The following YIPF4 variants were observed in gnomAD, a reference collection of about 807,000 sequenced individuals.
The protein encoded by YIPF4 is Yip1 domain family member 4.
Under a neutral mutation model 29.4 loss-of-function variants are expected in YIPF4, and 18 were observed. The observed-to-expected ratio is 0.61, with a 90% CI of 0.42 to 0.91. The LOEUF (loss-of-function observed/expected upper bound fraction) is 0.91. Among genes scored for constraint, YIPF4 ranks in the 40% least tolerant of loss-of-function variants. YIPF4 has a pLI of 0.00. For synonymous variants in YIPF4, 115 were observed against 104.7 expected (o/e 1.10, Z -0.60); for missense variants, 279 against 282.7 (o/e 0.99, Z 0.09).
intron 1 of YIPF4, among the ~76,000 whole-genome samples, chr2:32,280,975 C>T (rs2030381934): frequency 6.6e-6 from 1 of 152,074 alleles, no homozygotes; most frequent in South Asian, 2.1e-4. Flanking sequence ...TTTTCATTCT[C>T]CCTTCCCTGA....
chr2:32,296,026 A>G (rs2031165358), intron 3 of YIPF4, among the ~76,000 whole-genome samples: 1 of 152,210 alleles, frequency 6.6e-6, no homozygotes, highest in African/African-American at 2.4e-5. Flanking sequence ...TATTTACACT[A>G]GATTAGTAGT....
intron 2 of YIPF4, among the ~76,000 whole-genome samples, chr2:32,291,135 AAAG>A: frequency 6.6e-6 from 1 of 152,260 alleles, no homozygotes; most frequent in Non-Finnish European, 1.5e-5. Context: ...ATAATTTTGA[AAAG>A]AAGAACCTAT....
chr2:32,302,715 T>G (rs2031448135), intron 5 of YIPF4, among the ~76,000 whole-genome samples: 1 of 152,246 alleles, frequency 6.6e-6, no homozygotes, highest in Admixed American at 6.5e-5. Flanking sequence ...AATATAAGTT[T>G]GTTCTTTATG....
intron 1 of YIPF4, 151 bp downstream of exon 1, chr2:32,278,385 G>C (rs762301752): frequency 1.1e-4 from 76 of 708,626 alleles, no homozygotes; most frequent in Non-Finnish European, 1.6e-4. Context: ...CGGGCCTTCC[G>C]AGAGGCCCCG....
intron 2 of YIPF4, 91 bp from the exon 3 acceptor site, chr2:32,292,084 CTG>C: frequency 1.2e-6 from 1 of 806,532 alleles, no homozygotes; most frequent in Non-Finnish European, 1.8e-6. Context: ...GAGATTATAA[CTG>C]TCTTATTTAA....
At position 32,306,262 on chromosome 2, in the gene YIPF4, A is replaced by G. The variant is rs762430984; in HGVS notation, c.*636A>G. 6.0e-5 allele frequency: 58 copies of G among 967,726 alleles called. No homozygotes were observed. In the East Asian group the frequency reaches 8.0e-4, roughly 13 times the overall value. 59.9% of individuals were successfully genotyped at this position (967,726 alleles called of 1,614,324 possible). On this transcript the variant is annotated 3_prime_UTR_variant, in exon 6 of 6. Transcript: ENST00000238831. ...TTGTTAAGAATTCTTAATAACTACTAAAACTGATTTTTAATAGTTGCTGAT... is the reference window on the plus strand; with the variant it reads ...TTGTTAAGAATTCTTAATAACTACTGAAACTGATTTTTAATAGTTGCTGAT...
intron 5 of YIPF4, among the ~76,000 whole-genome samples, chr2:32,303,562 G>C (rs2031478182): frequency 1.3e-5 from 2 of 152,072 alleles, no homozygotes; most frequent in African/African-American, 4.8e-5. Context: ...GCATGCACCT[G>C]TTAGTCCTAG....
chr2:32,295,554 G>C (rs2031145890), intron 3 of YIPF4, among the ~76,000 whole-genome samples: 2 of 152,142 alleles, frequency 1.3e-5, no homozygotes, highest in Admixed American at 1.3e-4. Flanking sequence ...TATGATCTCT[G>C]TTTCCATGAT....
chr2:32,300,744 A>T (rs551283943), intron 4 of YIPF4, among the ~76,000 whole-genome samples: 5 of 152,292 alleles, frequency 3.3e-5, no homozygotes, highest in African/African-American at 1.2e-4. Context: ...TTAGGGGCCT[A>T]CATTTTAATT....
At chr2:32,286,627 C>T (rs1003670427) in intron 1 of YIPF4, among the ~76,000 whole-genome samples, 1 of 151,846 alleles carries the variant, frequency 6.6e-6, no homozygotes, top group Non-Finnish European at 1.5e-5. Flanking sequence ...CTCAGTGCAA[C>T]CTCCACCTCC....
chr2:32,282,381 C>A (rs762887281), intron 1 of YIPF4, among the ~76,000 whole-genome samples: 1 of 152,326 alleles, frequency 6.6e-6, no homozygotes, highest in African/African-American at 2.4e-5. Context: ...GATTTGCATC[C>A]TGGCTTTATC....
chr2:32,296,843 G>A (rs1175009931), intron 3 of YIPF4, among the ~76,000 whole-genome samples: 1 of 152,104 alleles, frequency 6.6e-6, no homozygotes, highest in Admixed American at 6.5e-5. Context: ...GCATCCATTG[G>A]TAGATCTTGC....
chr2:32,311,144 TAGTA>T lies in YIPF4; in HGVS notation c.*5525_*5528del, dbSNP rs1254583922. ...CCACTGCACTCCAGCCTGGGCAACA[TAGTA>T]AGTAAGACCTTGTCTCTTAAAAAAA... On this transcript the variant is annotated 3_prime_UTR_variant, in exon 6 of 6. Transcript: ENST00000238831. 9.9e-5 allele frequency: 15 copies of T among 152,192 alleles called. No homozygotes were observed. Among genetic ancestry groups the T allele is most frequent in the South Asian group, 2.1e-4 (1 of 4,826 alleles). The allele number at this position is 152,192 out of a possible 1,614,324, so 9.4% of individuals were successfully genotyped here. A position where few individuals can be genotyped will look rare whatever the true frequency, so the allele number is the denominator to read the frequency against.
rs1288407251 is a variant in YIPF4 at position 32,310,682 on chromosome 2, C to G, written c.*5056C>G. 1.3e-5 allele frequency: 2 copies of G among 152,056 alleles called. No individual in the cohort carries two copies. Among genetic ancestry groups the G allele is most frequent in the Non-Finnish European group, 2.9e-5 (2 of 68,038 alleles). The allele number at this position is 152,056 out of a possible 1,614,324, so 9.4% of individuals were successfully genotyped here. A position where few individuals can be genotyped will look rare whatever the true frequency, so the allele number is the denominator to read the frequency against. On this transcript the variant is annotated 3_prime_UTR_variant, in exon 6 of 6. Coordinates refer to ENST00000238831, the MANE Select transcript of YIPF4 (RefSeq NM_032312.4). ...TGTTTTGTGGCCAGGAGTTCAAAAT[C>G]AGCCTGGTCGACGTAGTGAGACCCC... is the stretch of plus-strand genomic sequence containing the variant.
chr2:32,295,122 G>C (rs540604655), intron 3 of YIPF4, among the ~76,000 whole-genome samples: 1 of 151,948 alleles, frequency 6.6e-6, no homozygotes, highest in East Asian at 1.9e-4. Flanking sequence ...TAAAATGACC[G>C]TTACTTTAAA....
rs1366402984 is a variant in YIPF4, at chr2:32,312,030, CAT to C, written c.*6407_*6408del. The C allele has an allele frequency of 6.6e-6, 1 of 152,110 alleles. No individual in the cohort carries two copies. The highest frequency in any genetic ancestry group is 2.1e-4 in the South Asian group (1 of 4,826). 9.4% of individuals were successfully genotyped at this position (152,110 alleles called of 1,614,324 possible). A position where few individuals can be genotyped will look rare whatever the true frequency, so the allele number is the denominator to read the frequency against. On this transcript the variant is annotated 3_prime_UTR_variant, in exon 6 of 6. Transcript: ENST00000238831. ...AGCACCATTTAATAATGAAACAACTCATATGTTTTGTAATCCTTATGGAGAAT... is the reference window on the plus strand; with the variant it reads ...AGCACCATTTAATAATGAAACAACTCATGTTTTGTAATCCTTATGGAGAAT...
At chr2:32,294,290 G>A (rs1022712691) in intron 3 of YIPF4, among the ~76,000 whole-genome samples, 1 of 151,230 alleles carries the variant, frequency 6.6e-6, no homozygotes, top group African/African-American at 2.4e-5. Flanking sequence ...GCCGGGTGGA[G>A]GGGCTCCTCA....
chr2:32,299,412 A>G (rs1429279650), intron 4 of YIPF4, among the ~76,000 whole-genome samples: 1 of 152,204 alleles, frequency 6.6e-6, no homozygotes, highest in African/African-American at 2.4e-5. Context: ...GTTAAGATAT[A>G]TTGTTTTGGC....
At chr2:32,294,664 T>C (rs1437189806) in intron 3 of YIPF4, among the ~76,000 whole-genome samples, 12 of 150,424 alleles carry the variant, frequency 8.0e-5, no homozygotes, top group African/African-American at 2.9e-4. Flanking sequence ...CCAGACGGGG[T>C]GGCGGCCGGG....
Sources: allele counts gnomAD v4.1 joint callset (sites outside exome capture counted in the v4.1 genomes callset), GRCh38; gene constraint gnomAD v4.1.1; transcripts MANE v1.5; gene names NCBI Gene and HGNC (gene_info 2026-07-23, HGNC 2026-07-21).